The following MED13 variants were observed in gnomAD, a reference collection of about 807,000 sequenced individuals.
MED13 encodes mediator complex subunit 13, also known as mediator of RNA polymerase II transcription subunit 13.
Under a neutral mutation model 225.2 loss-of-function variants are expected in MED13, and 23 were observed. The observed-to-expected ratio is 0.10, with a 90% CI of 0.07 to 0.14. The LOEUF is 0.14. MED13 is among the 10% of genes least tolerant of loss of function. The probability of loss-of-function intolerance (pLI) is 1.00; values close to 1 mark genes in which losing one functional copy is unlikely to be tolerated. For missense variants in MED13, 2,197 were observed against 2,594.5 expected (o/e 0.85, Z 3.33); for synonymous variants, 942 against 889.2 (o/e 1.06, Z -1.06).
chr17:62,053,684 G>A (rs963143527), intron 2 of MED13, among the ~76,000 whole-genome samples: 1 of 152,080 alleles, frequency 6.6e-6, no homozygotes, highest in African/African-American at 2.4e-5. Flanking sequence ...TTGTAAATAT[G>A]GGTCATCTGT....
chr17:62,038,249 C>T (rs549269168), intron 3 of MED13, among the ~76,000 whole-genome samples: 18 of 152,026 alleles, frequency 1.2e-4, no homozygotes, highest in Admixed American at 9.8e-4. Flanking sequence ...TAAAAATTAG[C>T]TAGGTGGGGT....
intron 16 of MED13, among the ~76,000 whole-genome samples, chr17:61,973,638 G>A (rs568920682): frequency 5.9e-5 from 9 of 152,216 alleles, no homozygotes; most frequent in East Asian, 1.9e-4. Context: ...ATTTTAATTC[G>A]TTATTACCTT....
intron 4 of MED13, 106 bp downstream of exon 4, chr17:62,035,357 G>A (rs1401017393): frequency 2.1e-6 from 2 of 956,696 alleles, no homozygotes; most frequent in Middle Eastern, 3.4e-4. Flanking sequence ...TCATCATTAG[G>A]CTAAAGATCA....
rs535598164 is a variant in MED13 at position 62,003,598 on chromosome 17, T to G, written c.1967+6952A>C. 4.0e-3 allele frequency: 24 copies of G among 6,074 alleles called. 2 individuals are homozygous for G. The highest frequency in any genetic ancestry group is 5.3e-4 in the Non-Finnish European group (2 of 3,804). The allele number at this position is 6,074 out of a possible 1,614,324, so 0.4% of individuals were successfully genotyped here. A position where few individuals can be genotyped will look rare whatever the true frequency, so the allele number is the denominator to read the frequency against. On this transcript the variant is annotated intron_variant, in intron 9 of 29. Transcript: ENST00000397786. ...CCAGCCTGAGCAACAACAGCAAAAC[T>G]CAAAAAAAAAAAAAAAAAAAAAAGC...
intron 8 of MED13, among the ~76,000 whole-genome samples, chr17:62,017,382 AC>A (rs1373569801): frequency 5.9e-5 from 9 of 152,282 alleles, no homozygotes; most frequent in African/African-American, 1.7e-4. Flanking sequence ...AAAATAGAAC[AC>A]CAAACTTCTA....
rs192069787 is a variant in MED13, at chr17:62,008,741, C to T, written c.1967+1809G>A. Among the ~76,000 whole-genome samples, 2 of 151,598 alleles carry T rather than the reference C, an allele frequency of 1.3e-5. 1 individual carries two copies. Among genetic ancestry groups the T allele is most frequent in the Admixed American group, 1.3e-4 (2 of 15,238 alleles). ...TTCACCAAGAAAATAAAGGCAAAAC[C>T]AAAAAGAAGCCACTAGTTATAAAAA... On this transcript the variant is annotated intron_variant, in intron 9 of 29. Coordinates refer to ENST00000397786, the MANE Select transcript of MED13 (RefSeq NM_005121.3).
At chr17:61,971,836 A>C (rs1487622333) in intron 17 of MED13, among the ~76,000 whole-genome samples, 1 of 152,138 alleles carries the variant, frequency 6.6e-6, no homozygotes, top group African/African-American at 2.4e-5. Context: ...CGGGAGGCTA[A>C]GCCAGGAGAA....
At chr17:61,976,428 A>G (rs1336324184) in intron 16 of MED13, among the ~76,000 whole-genome samples, 4 of 152,180 alleles carry the variant, frequency 2.6e-5, no homozygotes, top group African/African-American at 9.6e-5. Flanking sequence ...AAAGGGAGTG[A>G]CTGCTAACGG....
intron 8 of MED13, among the ~76,000 whole-genome samples, chr17:62,028,106 T>C (rs779110466): frequency 4.6e-5 from 7 of 152,066 alleles, no homozygotes; most frequent in Non-Finnish European, 1.0e-4. Flanking sequence ...TACGCAAATG[T>C]CCACTGCAGC....
intron 11 of MED13, among the ~76,000 whole-genome samples, chr17:61,989,691 G>A (rs1054883656): frequency 6.6e-6 from 1 of 152,156 alleles, no homozygotes; most frequent in Non-Finnish European, 1.5e-5. Context: ...AGGTGGTCTT[G>A]AACTCCTGGC....
chr17:61,978,721 C>T (rs1431969207), intron 16 of MED13, among the ~76,000 whole-genome samples: 1 of 152,088 alleles, frequency 6.6e-6, no homozygotes, highest in East Asian at 1.9e-4. Flanking sequence ...CAGTCTGAGT[C>T]CACAGCCTAT....
chr17:61,955,287 G>C, intron 26 of MED13, 95 bp downstream of exon 26: 1 of 1,069,688 alleles, frequency 9.3e-7, no homozygotes, highest in Non-Finnish European at 1.3e-6. Flanking sequence ...TCATTTTTTG[G>C]TAAAACAAGG....
chr17:61,950,445 A>G (rs2079887275), intron 28 of MED13, among the ~76,000 whole-genome samples: 1 of 150,456 alleles, frequency 6.6e-6, no homozygotes, highest in African/African-American at 2.4e-5. Context: ...GTGAAGTGGT[A>G]CGATCTCGGC....
chr17:62,026,329 G>A (rs2080701741), intron 8 of MED13, among the ~76,000 whole-genome samples: 1 of 152,078 alleles, frequency 6.6e-6, no homozygotes, highest in African/African-American at 2.4e-5. Flanking sequence ...AAGCGTGACA[G>A]TTTTGTCATG....
intron 16 of MED13, 87 bp downstream of exon 16, chr17:61,982,111 A>G (rs1446482877): frequency 3.1e-6 from 4 of 1,301,130 alleles, no homozygotes; most frequent in Non-Finnish European, 4.2e-6. Context: ...TATTTGCCAC[A>G]TGGGAAACTG....
chr17:61,986,126 G>A (rs573695286), intron 12 of MED13, among the ~76,000 whole-genome samples: 1 of 152,162 alleles, frequency 6.6e-6, no homozygotes, highest in Non-Finnish European at 1.5e-5. Context: ...TGGTAGTAGA[G>A]AGAAAGTATG....
At position 62,031,630 on chromosome 17, in the gene MED13, G is replaced by T; in HGVS notation, c.823C>A (p.Arg275=). The change falls in exon 6 of 30, where the codon CGA becomes AGA. Residue 275 remains arginine, a synonymous_variant. Transcript: ENST00000397786. ...ACAAAGCATGCTGGGTAGATCATTCGGACACCAGCTGAAAGGAAAAAAATG... is the reference window on the plus strand; with the variant it reads ...ACAAAGCATGCTGGGTAGATCATTCTGACACCAGCTGAAAGGAAAAAAATG... ...AAVEVLVAGV[R]MIYPACFVLV... 3 of 1,555,176 alleles carry T rather than the reference G, an allele frequency of 1.9e-6. No individual in the cohort carries two copies. The highest frequency in any genetic ancestry group is 1.4e-5 in the African/African-American group (1 of 72,960).
At chr17:62,043,875 C>T (rs933850666) in intron 3 of MED13, among the ~76,000 whole-genome samples, 8 of 151,436 alleles carry the variant, frequency 5.3e-5, no homozygotes, top group Non-Finnish European at 8.8e-5. Flanking sequence ...TTTTTTTTAG[C>T]TTTTTAAATG....
chr17:62,000,671 CTTAT>C (rs1410733276), intron 9 of MED13, among the ~76,000 whole-genome samples: 1 of 152,156 alleles, frequency 6.6e-6, no homozygotes, highest in Non-Finnish European at 1.5e-5. Context: ...ATTTCCTTTG[CTTAT>C]TTAAGTGGAT....
Sources: gnomAD v4.1 joint callset for allele counts (sites outside exome capture counted in the v4.1 genomes callset) on GRCh38, gnomAD v4.1.1 for gene constraint, MANE v1.5 for transcripts, NCBI Gene and HGNC (gene_info 2026-07-23, HGNC 2026-07-21) for gene names.